The following PDE8B variants were observed in gnomAD, a reference collection of about 807,000 sequenced individuals.
The protein encoded by PDE8B is high affinity cAMP-specific and IBMX-insensitive 3',5'-cyclic phosphodiesterase 8B.
A neutral mutation model predicts 101.3 loss-of-function variants in PDE8B; 26 were observed. The observed-to-expected ratio is 0.26, with a 90% CI of 0.19 to 0.36. The LOEUF is 0.36. PDE8B is among the 10% of genes least tolerant of loss of function. The pLI, the probability that PDE8B is intolerant of heterozygous loss-of-function variation, is 1.00. For missense variants in PDE8B, 810 were observed against 1,163.1 expected, an observed-to-expected ratio of 0.70 and a Z score of 4.42; for synonymous variants, 424 against 429.3, an observed-to-expected ratio of 0.99 and a Z score of 0.15.
chr5:77,381,328 T>C (rs556607519), intron 10 of PDE8B, among the ~76,000 whole-genome samples: 1 of 152,210 alleles, frequency 6.6e-6, no homozygotes, highest in Non-Finnish European at 1.5e-5. Flanking sequence ...CTTTACAGGA[T>C]TGGATGATGG....
intron 17 of PDE8B, among the ~76,000 whole-genome samples, chr5:77,416,230 C>T (rs1281609804): frequency 6.6e-6 from 1 of 152,210 alleles, no homozygotes; most frequent in Non-Finnish European, 1.5e-5. Flanking sequence ...AGGCATGTTT[C>T]ATCTAGTGCT....
At chr5:77,282,253 A>G (rs1455092358) in intron 1 of PDE8B, among the ~76,000 whole-genome samples, 1 of 151,998 alleles carries the variant, frequency 6.6e-6, no homozygotes, top group Non-Finnish European at 1.5e-5. Flanking sequence ...TCTTTCCCAG[A>G]TAGCCTGCAG....
upstream of PDE8B, among the ~76,000 whole-genome samples, chr5:77,206,566 T>C (rs1258877248): frequency 2.0e-5 from 3 of 152,164 alleles, no homozygotes; most frequent in South Asian, 4.1e-4. Flanking sequence ...TGGCTAACAA[T>C]GTTGGATATC....
chr5:77,353,280 T>C, intron 9 of PDE8B, 66 bp from the exon 10 acceptor site: 1 of 920,344 alleles, frequency 1.1e-6, no homozygotes, highest in Non-Finnish European at 1.8e-6. Context: ...CTGTTGACAT[T>C]TTTATTTGCT....
intron 1 of PDE8B, among the ~76,000 whole-genome samples, chr5:77,290,072 T>C (rs1766926727): frequency 6.6e-6 from 1 of 152,220 alleles, no homozygotes; most frequent in Non-Finnish European, 1.5e-5. Flanking sequence ...CCAAGATACA[T>C]CCGTGAGTAA....
chr5:77,137,411 G>A, the PDE8B span, among the ~76,000 whole-genome samples: 2 of 152,158 alleles, frequency 1.3e-5, no homozygotes, highest in Non-Finnish European at 2.9e-5. Flanking sequence ...AAAATGGGAT[G>A]GGAACTGCAA....
At chr5:77,125,145 G>A in the PDE8B span, among the ~76,000 whole-genome samples, 6 of 152,068 alleles carry the variant, frequency 3.9e-5, no homozygotes, top group South Asian at 4.1e-4. Context: ...GGCATGCACC[G>A]CCATGCCAGC....
chr5:77,359,143 G>C (rs1782653256), intron 10 of PDE8B, among the ~76,000 whole-genome samples: 1 of 152,108 alleles, frequency 6.6e-6, no homozygotes, highest in African/African-American at 2.4e-5. Context: ...CCGGGAGGAG[G>C]GGACAGGGGT....
chr5:77,236,654 A>G (rs1320753253), intron 1 of PDE8B, among the ~76,000 whole-genome samples: 2 of 152,236 alleles, frequency 1.3e-5, no homozygotes, highest in Non-Finnish European at 2.9e-5. Context: ...CAGTGTGGTG[A>G]TGGAGGCAAA....
chr5:77,354,203 G>A (rs1781671670), intron 10 of PDE8B, among the ~76,000 whole-genome samples: 1 of 152,166 alleles, frequency 6.6e-6, no homozygotes, highest in Non-Finnish European at 1.5e-5. Flanking sequence ...GTGAAGCCCA[G>A]CCAGGCCTGG....
chr5:77,305,696 C>G (rs1036298501), intron 1 of PDE8B, among the ~76,000 whole-genome samples: 8 of 152,056 alleles, frequency 5.3e-5, no homozygotes, highest in African/African-American at 1.9e-4. Flanking sequence ...AGAGCTCAGA[C>G]GAATAAAGAA....
At chr5:77,227,753 C>T (rs936433557) in intron 1 of PDE8B, among the ~76,000 whole-genome samples, 1 of 152,096 alleles carries the variant, frequency 6.6e-6, no homozygotes, top group Non-Finnish European at 1.5e-5. Flanking sequence ...AACTTTGGGG[C>T]AGACTGGTTC....
At chr5:77,199,385 C>G in the PDE8B span, among the ~76,000 whole-genome samples, 3 of 152,198 alleles carry the variant, frequency 2.0e-5, no homozygotes, top group African/African-American at 7.2e-5. Context: ...TAAATACTAG[C>G]TTGATTTCTT....
chr5:77,386,633 A>G (rs1010493917), intron 10 of PDE8B, among the ~76,000 whole-genome samples: 7 of 151,996 alleles, frequency 4.6e-5, no homozygotes, highest in Admixed American at 4.6e-4. Flanking sequence ...TGCTTGGTAA[A>G]TATTTCTCTA....
At chr5:77,098,716 C>T in the PDE8B span, 3 of 152,190 alleles carry the variant, frequency 2.0e-5, no homozygotes, top group South Asian at 6.2e-4. Flanking sequence ...GTTCTGGAGC[C>T]TTGGAAGTCC....
At chr5:77,255,271 A>G (rs1224612806) in intron 1 of PDE8B, among the ~76,000 whole-genome samples, 1 of 151,766 alleles carries the variant, frequency 6.6e-6, no homozygotes, top group East Asian at 1.9e-4. Flanking sequence ...TCAGACGTTC[A>G]TTTTTCTCCC....
rs75366131 is a variant in PDE8B at position 77,391,367 on chromosome 5, C to T, written c.1168-8881C>T. Among the ~76,000 whole-genome samples, 293 of 152,236 alleles carry T rather than the reference C, an allele frequency of 1.9e-3. 4 individuals carry two copies. Among genetic ancestry groups the T allele is most frequent in the African/African-American group, 6.5e-3 (272 of 41,540 alleles). On this transcript the variant is annotated intron_variant, in intron 10 of 21. Coordinates refer to ENST00000264917, the MANE Select transcript of PDE8B (RefSeq NM_003719.5). ...GTCGGTCCCACAATAGGGTTCCTGA[C>T]GGCAGATGCTGCTGCAGCCAGGAAG...
the PDE8B span, among the ~76,000 whole-genome samples, chr5:77,180,806 C>T: frequency 6.6e-6 from 1 of 152,200 alleles, no homozygotes; most frequent in Non-Finnish European, 1.5e-5. Context: ...GTTTCTCCGT[C>T]GGGCCGGCTC....
intron 10 of PDE8B, among the ~76,000 whole-genome samples, chr5:77,391,361 T>TC (rs1378870977): frequency 6.6e-6 from 1 of 152,138 alleles, no homozygotes; most frequent in African/African-American, 2.4e-5. Flanking sequence ...ACAATAGGGT[T>TC]CCTGACGGCA....
Sources: allele counts gnomAD v4.1 joint callset (sites outside exome capture counted in the v4.1 genomes callset), GRCh38; gene constraint gnomAD v4.1.1; transcripts MANE v1.5; gene names NCBI Gene and HGNC (gene_info 2026-07-23, HGNC 2026-07-21).